The following PCED1B variants were observed in gnomAD, a reference collection of about 807,000 sequenced individuals.
The protein encoded by PCED1B is PC-esterase domain containing 1B, also known as PC-esterase domain-containing protein 1B.
For synonymous variants in PCED1B, 251 were observed against 246.1 expected (o/e 1.02, Z -0.19); for missense variants, 573 against 573.9 (o/e 1.00, Z 0.02).
intron 2 of PCED1B, among the ~76,000 whole-genome samples, chr12:47,172,065 A>T (rs1442325787): frequency 6.6e-6 from 1 of 152,142 alleles, no homozygotes; most frequent in Non-Finnish European, 1.5e-5. Context: ...TTGGTAATAC[A>T]TTTCCATCTG....
chr12:47,217,440 G>GAAAGAAAGAAAGAA, intron 3 of PCED1B, among the ~76,000 whole-genome samples: 1 of 32,866 alleles, frequency 3.0e-5, no homozygotes, highest in African/African-American at 3.6e-4. Flanking sequence ...GAAAAAAAAA[G>GAAAGAAAGAAAGAA]AAAGAAAGAA....
chr12:47,186,192 T>TAAAAAAAAA (rs1388285372), intron 2 of PCED1B, among the ~76,000 whole-genome samples: 5 of 147,604 alleles, frequency 3.4e-5, no homozygotes, highest in Non-Finnish European at 7.4e-5. Context: ...CACTCCAGCC[T>TAAAAAAAAA]GGGTGACAGA....
At chr12:47,171,107 G>A (rs1459650309) in intron 2 of PCED1B, among the ~76,000 whole-genome samples, 1 of 77,032 alleles carries the variant, frequency 1.3e-5, no homozygotes, top group Non-Finnish European at 2.4e-5. Flanking sequence ...TGCTCTTATT[G>A]CCCAGGCTGG....
intron 2 of PCED1B, among the ~76,000 whole-genome samples, chr12:47,215,050 C>A (rs1175090488): frequency 6.6e-6 from 1 of 151,544 alleles, no homozygotes; most frequent in African/African-American, 2.4e-5. Context: ...GTGGTATATT[C>A]TGATCTTCTG....
At chr12:47,228,552 T>C (rs1943703857) in intron 3 of PCED1B, among the ~76,000 whole-genome samples, 1 of 152,064 alleles carries the variant, frequency 6.6e-6, no homozygotes, top group East Asian at 1.9e-4. Context: ...TCAATATCTT[T>C]CCTTATAAAA....
intron 2 of PCED1B, among the ~76,000 whole-genome samples, chr12:47,149,575 C>A (rs995204106): frequency 6.6e-6 from 1 of 152,220 alleles, no homozygotes; most frequent in Admixed American, 6.5e-5. Flanking sequence ...TGGAGCCCGT[C>A]AACCTGAAGA....
intron 2 of PCED1B, among the ~76,000 whole-genome samples, chr12:47,107,528 G>A (rs115934837): frequency 0.011 from 1,671 of 152,306 alleles, 42 homozygotes; most frequent in African/African-American, 0.039. Flanking sequence ...ATAATGCATC[G>A]AAGTTAGAGC....
intron 2 of PCED1B, among the ~76,000 whole-genome samples, chr12:47,180,655 C>T (rs1942064111): frequency 6.6e-6 from 1 of 152,068 alleles, no homozygotes; most frequent in Non-Finnish European, 1.5e-5. Flanking sequence ...TTAGAGTGAA[C>T]AGACAACCTA....
At chr12:47,188,888 G>T (rs1054858564) in intron 2 of PCED1B, among the ~76,000 whole-genome samples, 1 of 152,112 alleles carries the variant, frequency 6.6e-6, no homozygotes, top group African/African-American at 2.4e-5. Flanking sequence ...CTGGATTTAG[G>T]TGCCAGACTC....
At chr12:47,139,207 C>T (rs75778221) in intron 2 of PCED1B, among the ~76,000 whole-genome samples, 5 of 152,000 alleles carry the variant, frequency 3.3e-5, no homozygotes, top group Non-Finnish European at 7.4e-5. Context: ...TTGAAGCTTC[C>T]CTCCTGTTGT....
At chr12:47,202,737 GT>G (rs1158800871) in intron 2 of PCED1B, among the ~76,000 whole-genome samples, 1 of 151,220 alleles carries the variant, frequency 6.6e-6, no homozygotes, top group South Asian at 2.1e-4. Flanking sequence ...TATATTTACA[GT>G]TTTTTTATTT....
chr12:47,217,218 T>C (rs1943286057), intron 3 of PCED1B, among the ~76,000 whole-genome samples: 1 of 151,728 alleles, frequency 6.6e-6, no homozygotes, highest in African/African-American at 2.4e-5. Flanking sequence ...CTGGACAACA[T>C]GATGAAACCC....
intron 1 of PCED1B, among the ~76,000 whole-genome samples, chr12:47,083,077 G>C (rs546645255): frequency 6.6e-6 from 1 of 151,070 alleles, no homozygotes; most frequent in South Asian, 2.1e-4. Flanking sequence ...GCAGTAATTT[G>C]AGGTGATGAA....
Position 47,219,034 on chromosome 12 carries a change from C to T in PCED1B, c.-58+2345C>T, listed in dbSNP as rs368278460. ...CAAATGCCTGTGATCCCAGCTATTC[C>T]GGAGACTGAGGCAGGAGAATCACTT... On this transcript the variant is annotated intron_variant, in intron 3 of 3. Coordinates refer to ENST00000546455, the MANE Select transcript of PCED1B (RefSeq NM_138371.3). Among the ~76,000 whole-genome samples, 22 of 151,994 alleles carry T rather than the reference C, an allele frequency of 1.4e-4. No individual in the cohort carries two copies. The East Asian group carries it at 3.7e-3, about 26-fold the overall frequency.
At chr12:47,154,136 G>A (rs139923480) in intron 2 of PCED1B, among the ~76,000 whole-genome samples, 5 of 152,174 alleles carry the variant, frequency 3.3e-5, no homozygotes, top group Non-Finnish European at 5.9e-5. Flanking sequence ...CAGGAAACGC[G>A]TATCTTCTAC....
chr12:47,131,321 CT>C (rs1353657879), intron 2 of PCED1B, among the ~76,000 whole-genome samples: 1 of 152,226 alleles, frequency 6.6e-6, no homozygotes, highest in Non-Finnish European at 1.5e-5. Flanking sequence ...CCAAAACGCC[CT>C]CCTTAATCAA....
rs559924423 is a variant in PCED1B, at chr12:47,111,989, G to A, written c.-526+7794G>A. On this transcript the variant is annotated intron_variant, in intron 2 of 3. Coordinates refer to ENST00000546455, the MANE Select transcript of PCED1B (RefSeq NM_138371.3). Reference sequence around the variant, plus strand: ...ATAAGCTGTTGGTGGGGGTCGTGTAGCCCCTCCATAAGATGGCCAGAGAAA... The same window carrying A: ...ATAAGCTGTTGGTGGGGGTCGTGTAACCCCTCCATAAGATGGCCAGAGAAA... Among the ~76,000 whole-genome samples, 110 of 152,214 alleles carry A rather than the reference G, an allele frequency of 7.2e-4. 2 individuals are homozygous for A. Among genetic ancestry groups the A allele is most frequent in the African/African-American group, 2.5e-3 (103 of 41,520 alleles).
chr12:47,217,502 AAGAAAGAAAG>A lies in PCED1B; in HGVS notation c.-58+815_-58+824del, dbSNP rs1345696145. On this transcript the variant is annotated intron_variant, in intron 3 of 3. Coordinates refer to ENST00000546455, the MANE Select transcript of PCED1B (RefSeq NM_138371.3). Reference sequence around the variant, plus strand: ...AAAGAAAGAAAGAAAGAAAGAAAGAAAGAAAGAAAGAAAGAAGAAAGAGAAAGAGAGAAAA... The same window carrying A: ...AAAGAAAGAAAGAAAGAAAGAAAGAAAAAGAAGAAAGAGAAAGAGAGAAAA... Among the ~76,000 whole-genome samples the A allele has an allele frequency of 5.6e-4, 76 of 134,820 alleles. 3 individuals carry two copies. The highest frequency in any genetic ancestry group is 2.8e-4 in the Non-Finnish European group (18 of 63,808). The allele number at this position is 134,820 out of a possible 152,430, so 88.4% of individuals were successfully genotyped here. A position where few individuals can be genotyped will look rare whatever the true frequency, so the allele number is the denominator to read the frequency against.
At chr12:47,119,897 G>A (rs1000975782) in intron 2 of PCED1B, among the ~76,000 whole-genome samples, 5 of 151,698 alleles carry the variant, frequency 3.3e-5, no homozygotes, top group Non-Finnish European at 5.9e-5. Flanking sequence ...AACCCAGGGG[G>A]CGGAGGTTAC....
Sources: allele counts gnomAD v4.1 joint callset (sites outside exome capture counted in the v4.1 genomes callset), GRCh38; gene constraint gnomAD v4.1.1; transcripts MANE v1.5; gene names NCBI Gene and HGNC (gene_info 2026-07-23, HGNC 2026-07-21).